Variants in RGS6 observed in about 807,000 individuals in gnomAD.
RGS6 encodes the protein regulator of G protein signaling 6.
A neutral mutation model predicts 78.5 loss-of-function variants in RGS6; 30 were observed. The observed-to-expected ratio is 0.38, with a 90% CI of 0.29 to 0.52. The LOEUF is 0.52. RGS6 is among the 20% of genes least tolerant of loss of function. RGS6 has a pLI of 0.85. For synonymous variants in RGS6, 206 were observed against 206.0 expected, an observed-to-expected ratio of 1.00 and a Z score of 0.00; for missense variants, 495 against 609.7, an observed-to-expected ratio of 0.81 and a Z score of 1.98.
chr14:72,250,413 A>C (rs1245946100), intron 2 of RGS6, among the ~76,000 whole-genome samples: 3 of 149,522 alleles, frequency 2.0e-5, no homozygotes, highest in East Asian at 3.9e-4. Context: ...AAAAAAAAAA[A>C]CCCCAAGGGA....
intron 2 of RGS6, among the ~76,000 whole-genome samples, chr14:72,112,499 T>C (rs1045294540): frequency 6.6e-6 from 1 of 152,206 alleles, no homozygotes; most frequent in African/African-American, 2.4e-5. Flanking sequence ...TTAGAAGGCC[T>C]GTCATATCAT....
Position 72,466,414 on chromosome 14 carries a change from C to G in RGS6, c.459+592C>G, listed in dbSNP as rs550226126. 2.0e-5 allele frequency among the ~76,000 whole-genome samples: 3 copies of G among 152,338 alleles called. No homozygotes were observed. The South Asian group carries it at 6.2e-4, about 32-fold the overall frequency. On this transcript the variant is annotated intron_variant, in intron 7 of 17. Transcript: ENST00000553525. ...CCCTAGAGAAATCAGAACTCATGTT[C>G]ACACAAACACCTATAAACTAATGTT...
rs140747524 is a variant in RGS6 at position 72,003,012 on chromosome 14, A to G, written c.84+38137A>G. Among the ~76,000 whole-genome samples the G allele has an allele frequency of 7.1e-3, 1,081 of 152,306 alleles. 18 individuals carry two copies. Among genetic ancestry groups the G allele is most frequent in the African/African-American group, 0.025 (1,025 of 41,556 alleles). ...AACTGCTTATTCTTTTCCCTGTATC[A>G]CTTAGCATATAAATCCTGAATTACT... On this transcript the variant is annotated intron_variant, in intron 2 of 17. Transcript: ENST00000553525.
the RGS6 span, among the ~76,000 whole-genome samples, chr14:72,591,042 G>A: frequency 1.3e-5 from 2 of 149,278 alleles, no homozygotes; most frequent in African/African-American, 5.0e-5. Flanking sequence ...TACCAGTATT[G>A]TAAAACATAT....
intron 2 of RGS6, among the ~76,000 whole-genome samples, chr14:72,260,375 T>C (rs2057922742): frequency 6.6e-6 from 1 of 152,162 alleles, no homozygotes; most frequent in Non-Finnish European, 1.5e-5. Context: ...AAGTTGAAAA[T>C]GAGTGATAAT....
chr14:72,368,509 C>T (rs1367495523), intron 3 of RGS6, among the ~76,000 whole-genome samples: 3 of 152,168 alleles, frequency 2.0e-5, no homozygotes, highest in Admixed American at 2.0e-4. Flanking sequence ...GAAACAGCCT[C>T]TGTTTTAATA....
chr14:72,028,954 C>T (rs1187809243), intron 2 of RGS6, among the ~76,000 whole-genome samples: 1 of 152,198 alleles, frequency 6.6e-6, no homozygotes, highest in Non-Finnish European at 1.5e-5. Flanking sequence ...CTCCATAACA[C>T]ATTAGGTGAT....
intron 15 of RGS6, among the ~76,000 whole-genome samples, chr14:72,529,130 A>G (rs1015558888): frequency 3.9e-5 from 6 of 152,204 alleles, no homozygotes; most frequent in Non-Finnish European, 8.8e-5. Context: ...CAAAGGCTGC[A>G]TTTCGTTGCT....
chr14:72,621,524 G>C, the RGS6 span, among the ~76,000 whole-genome samples: 1 of 152,130 alleles, frequency 6.6e-6, no homozygotes, highest in East Asian at 1.9e-4. Flanking sequence ...GGCTTTTTTT[G>C]TCATGCTAAA....
intron 1 of RGS6, among the ~76,000 whole-genome samples, chr14:71,937,800 T>C (rs1054204228): frequency 1.3e-5 from 2 of 152,234 alleles, no homozygotes; most frequent in Non-Finnish European, 2.9e-5. Flanking sequence ...TCTATTCCAG[T>C]GAGGACAAAC....
intron 2 of RGS6, among the ~76,000 whole-genome samples, chr14:72,244,701 T>C (rs2053774506): frequency 6.6e-6 from 1 of 152,216 alleles, no homozygotes; most frequent in Admixed American, 6.5e-5. Context: ...AAAGCTTGCT[T>C]TCTCTCCCAT....
At chr14:72,408,684 G>A (rs770180811) in intron 3 of RGS6, among the ~76,000 whole-genome samples, 95 of 152,160 alleles carry the variant, frequency 6.2e-4, no homozygotes, top group Non-Finnish European at 1.2e-3. Flanking sequence ...CATGGAAATG[G>A]CATAGTACAT....
intron 17 of RGS6, among the ~76,000 whole-genome samples, chr14:72,558,182 C>T (rs1007269161): frequency 6.6e-6 from 1 of 152,142 alleles, no homozygotes; most frequent in African/African-American, 2.4e-5. Flanking sequence ...TTCTTTCCCC[C>T]ATAATAGCCT....
At chr14:72,203,136 A>C (rs934783338) in intron 2 of RGS6, among the ~76,000 whole-genome samples, 1 of 152,088 alleles carries the variant, frequency 6.6e-6, no homozygotes, top group Admixed American at 6.6e-5. Flanking sequence ...CGGCCTCCCA[A>C]AGTGCTGGGA....
At chr14:72,407,154 C>G (rs964882706) in intron 3 of RGS6, among the ~76,000 whole-genome samples, 1 of 152,340 alleles carries the variant, frequency 6.6e-6, no homozygotes, top group East Asian at 1.9e-4. Context: ...AGGTGTTCCT[C>G]TCTTAAAAGC....
chr14:71,888,013 C>T, the RGS6 span, among the ~76,000 whole-genome samples: 47,292 of 152,050 alleles, frequency 0.31, 10,100 homozygotes, highest in African/African-American at 0.61. Context: ...CGATATGTGA[C>T]GTCACCCCCG....
chr14:72,155,224 C>G (rs2153646922), intron 2 of RGS6, among the ~76,000 whole-genome samples: 1 of 152,340 alleles, frequency 6.6e-6, no homozygotes, highest in South Asian at 2.1e-4. Context: ...GGTCTTGCAG[C>G]CATGCCAAAT....
the RGS6 span, among the ~76,000 whole-genome samples, chr14:72,601,506 G>T: frequency 6.6e-6 from 1 of 152,210 alleles, no homozygotes; most frequent in Non-Finnish European, 1.5e-5. Context: ...GAGGAAATAA[G>T]TTCTGCTGTT....
chr14:72,004,377 G>A (rs2084105234), intron 2 of RGS6, among the ~76,000 whole-genome samples: 1 of 152,166 alleles, frequency 6.6e-6, no homozygotes, highest in South Asian at 2.1e-4. Context: ...TAGAACACAA[G>A]AATGCATAAT....
Sources: gnomAD v4.1 joint callset for allele counts (sites outside exome capture counted in the v4.1 genomes callset) on GRCh38, gnomAD v4.1.1 for gene constraint, MANE v1.5 for transcripts, NCBI Gene and HGNC (gene_info 2026-07-23, HGNC 2026-07-21) for gene names.